TRMT2A: variants seen among roughly 807,000 people sequenced by gnomAD.
TRMT2A encodes the protein tRNA (uracil-5-)-methyltransferase homolog A.
TRMT2A carries 60 observed loss-of-function variants against 59.3 expected under a neutral mutation model. The observed-to-expected ratio is 1.01, with a 90% CI of 0.82 to 1.26. The LOEUF is 1.26. Among genes scored for constraint, TRMT2A ranks in the 50% most tolerant of loss-of-function variants. The probability of loss-of-function intolerance (pLI) is 0.00; values close to 1 mark genes in which losing one functional copy is unlikely to be tolerated. For missense variants in TRMT2A, 863 were observed against 845.2 expected (o/e 1.02, Z -0.26); for synonymous variants, 403 against 353.7 (o/e 1.14, Z -1.56).
At position 20,114,565 on chromosome 22, in the gene TRMT2A, C is replaced by CA; in HGVS notation, c.1233+8dup. On this transcript the variant is annotated intron_variant, in intron 7 of 11. Coordinates refer to ENST00000252136, the MANE Select transcript of TRMT2A (RefSeq NM_022727.6). ...CATGTCCCCATGCCCACCAGGGACT[C>CA]ATGGCTACCTGGAAGAAGGCGTGTG... is the stretch of plus-strand genomic sequence containing the variant. The CA allele has an allele frequency of 1.2e-6, 2 of 1,611,976 alleles. No individual in the cohort carries two copies. Among genetic ancestry groups the CA allele is most frequent in the East Asian group, 2.2e-5 (1 of 44,862 alleles).
At chr22:20,114,133 G>A (rs564277342) in intron 7 of TRMT2A, among the ~76,000 whole-genome samples, 3 of 152,216 alleles carry the variant, frequency 2.0e-5, no homozygotes, top group South Asian at 2.1e-4. Flanking sequence ...CTCACACCGG[G>A]GCCCCTGGAA....
rs2049950151 is a variant in TRMT2A at position 20,114,589 on chromosome 22, T to C, written c.1218A>G (p.Pro406=). Residue 406 remains proline (P), a synonymous_variant, in exon 7 of 12, where the codon CCA becomes CCG. Coordinates refer to ENST00000252136, the MANE Select transcript of TRMT2A (RefSeq NM_022727.6). ...DLLGLTFRIS[P]HAFFQVNTPA... Reference sequence around the variant, plus strand: ...TCATGGCTACCTGGAAGAAGGCGTGTGGAGAGATCCGGAAGGTCAGCCCTA... The same window carrying C: ...TCATGGCTACCTGGAAGAAGGCGTGCGGAGAGATCCGGAAGGTCAGCCCTA... The C allele has an allele frequency of 2.5e-6, 4 of 1,613,538 alleles. No individual in the cohort carries two copies. The highest frequency in any genetic ancestry group is 3.3e-5 in the Admixed American group (2 of 60,008).
chr22:20,116,024 G>T lies in TRMT2A; in HGVS notation c.599+14C>A. 2 of 1,542,882 alleles carry T rather than the reference G, an allele frequency of 1.3e-6. No individual in the cohort carries two copies. On this transcript the variant is annotated intron_variant, in intron 2 of 11. Coordinates refer to ENST00000252136, the MANE Select transcript of TRMT2A (RefSeq NM_022727.6). ...GAGCCCTGGCCAAGAGGGGCGTCTTGCGCCCACACTCACTTGGCAAGTTTC... is the reference window on the plus strand; with the variant it reads ...GAGCCCTGGCCAAGAGGGGCGTCTTTCGCCCACACTCACTTGGCAAGTTTC...
At chr22:20,115,957 C>G (rs767977331) in intron 2 of TRMT2A, 81 bp downstream of exon 2, 1 of 1,487,260 alleles carries the variant, frequency 6.7e-7, no homozygotes, top group African/African-American at 1.4e-5. Flanking sequence ...GCTGGGCCTC[C>G]CAACTGGTGC....
At position 20,113,074 on chromosome 22, in the gene TRMT2A, G is replaced by A; in HGVS notation, c.1549+44C>T. The A allele has an allele frequency of 4.3e-6, 7 of 1,610,848 alleles. No homozygotes were observed. The East Asian group carries it at 1.3e-4, about 31-fold the overall frequency. On this transcript the variant is annotated intron_variant, in intron 10 of 11. Coordinates refer to ENST00000252136, the MANE Select transcript of TRMT2A (RefSeq NM_022727.6). ...TGCATAACATGGTGAGCCACCCCAT[G>A]TGTCCTCGTTCCCGTGCCACCTCCT... is the stretch of plus-strand genomic sequence containing the variant.
rs202065505 is a variant in TRMT2A at position 20,116,260 on chromosome 22, A to G, written c.377T>C (p.Leu126Pro). Residue 126 changes from leucine to proline, a missense_variant, in exon 2 of 12, where the codon CTG (leucine) becomes CCG (proline). Transcript: ENST00000252136. ...CCAGAGGGCACCATGCAAAACGCGC[A>G]GGGCCTTGTCCCTCTCTGCAGCGCT... ...FRSAAERDKALRVLHGALWKG... is the reference protein window; with the variant it reads ...FRSAAERDKAPRVLHGALWKG... 1.9e-6 allele frequency: 3 copies of G among 1,612,842 alleles called. No homozygotes were observed. The African/African-American group carries it at 4.0e-5, about 22-fold the overall frequency.
In TRMT2A at chr22:20,113,121, A is replaced by G. The variant is rs768904795; in HGVS notation, c.1546T>C (p.Leu516=). The G allele has an allele frequency of 1.1e-5, 17 of 1,605,042 alleles. No individual in the cohort carries two copies. The highest frequency in any genetic ancestry group is 1.4e-5 in the Non-Finnish European group (17 of 1,174,502). The change falls in exon 10 of 12, where the codon TTG becomes CTG. Residue 516 remains leucine, a synonymous_variant. Coordinates refer to ENST00000252136, the MANE Select transcript of TRMT2A (RefSeq NM_022727.6). ...VAILDPPRAG[L]HSKVILAIRR... ...TCCTTAAGCAAAAGCCACTCACGCA[A>G]GCCAGCACGGGGTGGGTCCAGGATG...
At chr22:20,113,394 CCCCCATCCCCA>C in intron 9 of TRMT2A, 27 bp downstream of exon 9, 2 of 1,508,564 alleles carry the variant, frequency 1.3e-6, no homozygotes, top group Non-Finnish European at 9.1e-7. Flanking sequence ...GTGGCGGCTG[CCCCCATCCCCA>C]CCCCCACCCA....
intron 1 of TRMT2A, 81 bp downstream of exon 1, chr22:20,116,802 T>G: frequency 7.3e-7 from 1 of 1,374,852 alleles, no homozygotes; most frequent in Non-Finnish European, 9.8e-7. Flanking sequence ...CGTCCCCACC[T>G]ATTCTCTGGC....
At chr22:20,113,047 A>C in intron 10 of TRMT2A, 40 bp from the exon 11 acceptor site, 1 of 1,612,658 alleles carries the variant, frequency 6.2e-7, no homozygotes, top group Non-Finnish European at 8.5e-7. Context: ...ACAGCCAGAG[A>C]GTGCATAACA....
At chr22:20,115,551 A>G (rs1244603196) in intron 3 of TRMT2A, 104 bp from the exon 4 acceptor site, 1 of 1,560,546 alleles carries the variant, frequency 6.4e-7, no homozygotes, top group Non-Finnish European at 8.8e-7. Context: ...GGAACAGCTG[A>G]CAACTATGTG....
Position 20,113,691 on chromosome 22 carries a change from C to T in TRMT2A, c.1351G>A (p.Ala451Thr), listed in dbSNP as rs1394776635. The part of the protein sequence containing the change: ...CGTGTIGLAL[A>T]RKVKRVIGVE... ...AGCAGGGCAGGAGGGCTCACCCGGG[C>T]CAGGGCCAGGCCAATGGTGCCGGTG... The change falls in exon 8 of 12, where the codon GCC becomes ACC. Residue 451 changes from alanine to threonine, a missense_variant. Physicochemically the swap from Ala to Thr is moderately conservative, Grantham distance 58. Transcript: ENST00000252136. 16 of 1,597,208 alleles carry T rather than the reference C, an allele frequency of 1.0e-5. No individual in the cohort carries two copies. Among genetic ancestry groups the T allele is most frequent in the Non-Finnish European group, 1.4e-5 (16 of 1,172,322 alleles).
At position 20,116,882 on chromosome 22, in the gene TRMT2A, C is replaced by T. The variant is rs768248845; in HGVS notation, c.24+1G>A. The T allele has an allele frequency of 6.5e-6, 10 of 1,542,202 alleles. No homozygotes were observed. In the Admixed American group the frequency reaches 1.7e-4, roughly 27 times the overall value. On this transcript the variant is annotated splice_donor_variant, in intron 1 of 11. Coordinates refer to ENST00000252136, the MANE Select transcript of TRMT2A (RefSeq NM_022727.6). LOFTEE classifies it high-confidence loss of function. ...CTACCCAGCGTCTCCCCGCACTCTACCTCGTTGTCGAGGTTCTCACTCATC... is the reference window on the plus strand; with the variant it reads ...CTACCCAGCGTCTCCCCGCACTCTATCTCGTTGTCGAGGTTCTCACTCATC...
intron 9 of TRMT2A, 28 bp downstream of exon 9, chr22:20,113,404 C>CCCCCCCCCCCCCCCCCGGG: frequency 2.0e-6 from 3 of 1,511,272 alleles, no homozygotes; most frequent in Non-Finnish European, 2.7e-6. Context: ...CCCCCATCCC[C>CCCCCCCCCCCCCCCCCGGG]ACCCCCACCC....
At chr22:20,115,143 T>A (rs2049971383) in intron 4 of TRMT2A, 64 bp from the exon 5 acceptor site, 10 of 1,563,342 alleles carry the variant, frequency 6.4e-6, no homozygotes, top group Non-Finnish European at 1.7e-6. Context: ...TGCTCTCTCC[T>A]CTGGCCACAC....
chr22:20,113,865 G>A, intron 7 of TRMT2A, 57 bp from the exon 8 acceptor site: 1 of 1,492,620 alleles, frequency 6.7e-7, no homozygotes, highest in Non-Finnish European at 8.9e-7. Flanking sequence ...TGCCACTGGT[G>A]CCCCGACGCC....
rs2049874994 is a variant in TRMT2A, at chr22:20,112,568, A to T, written c.1873T>A (p.Ser625Thr). The T allele has an allele frequency of 6.2e-7, 1 of 1,613,598 alleles. No homozygotes were observed. Among genetic ancestry groups the T allele is most frequent in the Non-Finnish European group, 8.5e-7 (1 of 1,179,968 alleles). Residue 625 changes from serine (S) to threonine (T), a missense_variant, in exon 12 of 12, where the codon TCC becomes ACC. Coordinates refer to ENST00000252136, the MANE Select transcript of TRMT2A (RefSeq NM_022727.6). ...CCCCATAATGGGTCCTGGGCCTAGG[A>T]TGAGGGGAAGGTCCCAGTTTCTTGT... ...TLQETGTFPS[S>T]
In TRMT2A at chr22:20,115,942, C is replaced by A; in HGVS notation, c.599+96G>T. The A allele has an allele frequency of 2.1e-6, 3 of 1,455,818 alleles. No homozygotes were observed. The South Asian group carries it at 4.1e-5, about 20-fold the overall frequency. 90.2% of individuals were successfully genotyped at this position (1,455,818 alleles called of 1,614,324 possible). On this transcript the variant is annotated intron_variant, in intron 2 of 11. Coordinates refer to ENST00000252136, the MANE Select transcript of TRMT2A (RefSeq NM_022727.6). Reference sequence around the variant, plus strand: ...CTAGCTCCCAAAGGGGCCGCCAGATCCTGTGCTGGGCCTCCCAACTGGTGC... The same window carrying A: ...CTAGCTCCCAAAGGGGCCGCCAGATACTGTGCTGGGCCTCCCAACTGGTGC...
In TRMT2A at chr22:20,112,746, C is replaced by A; in HGVS notation, c.1695G>T (p.Pro565=). 2 of 1,613,790 alleles carry A rather than the reference C, an allele frequency of 1.2e-6. No homozygotes were observed. Among genetic ancestry groups the A allele is most frequent in the Non-Finnish European group, 1.7e-6 (2 of 1,180,002 alleles). ...SNRVKGIPFR[P]VKAVAVDLFP... is the part of the protein sequence containing the mutation. ...ACAGGTCCACTGCCACAGCCTTGACCGGCCGGAAGGGAATGCCCTTCACCC... is the reference window on the plus strand; with the variant it reads ...ACAGGTCCACTGCCACAGCCTTGACAGGCCGGAAGGGAATGCCCTTCACCC... Residue 565 remains proline (P), a synonymous_variant, in exon 12 of 12, where the codon CCG becomes CCT. Coordinates refer to ENST00000252136, the MANE Select transcript of TRMT2A (RefSeq NM_022727.6).
Sources: gnomAD v4.1 joint callset for allele counts (sites outside exome capture counted in the v4.1 genomes callset) on GRCh38, gnomAD v4.1.1 for gene constraint, MANE v1.5 for transcripts, NCBI Gene and HGNC (gene_info 2026-07-23, HGNC 2026-07-21) for gene names.